KMT2D: variants seen among roughly 807,000 people sequenced by gnomAD.
The protein encoded by KMT2D is lysine methyltransferase 2D.
KMT2D carries 55 observed loss-of-function variants against 512.7 expected under a neutral mutation model. That is an observed-to-expected ratio of 0.11 (90% confidence interval 0.09 to 0.13). The LOEUF is 0.13. Among genes scored for constraint, KMT2D ranks in the 10% least tolerant of loss-of-function variants. The pLI, the probability that KMT2D is intolerant of heterozygous loss-of-function variation, is 1.00. For missense variants in KMT2D, 6,061 were observed against 7,127.9 expected, an observed-to-expected ratio of 0.85 and a Z score of 5.39; for synonymous variants, 2,995 against 2,904.0, an observed-to-expected ratio of 1.03 and a Z score of -1.01.
rs1471272445 is a variant in KMT2D, at chr12:49,038,801, G to A, written c.8555C>T (p.Ser2852Phe). Residue 2852 changes from serine to phenylalanine, a missense_variant, in exon 35 of 55, where the codon TCC becomes TTC. Ser to Phe is a radical substitution (Grantham distance 155, BLOSUM62 -2). Transcript: ENST00000301067. This position sits in a 1 kb window ranked among gnomAD's most constrained non-coding sequence, Gnocchi z 5.7. ...GPELGRQALG[S>F]PLAGISTRLP... is the part of the protein sequence containing the mutation. ...ACGGGTGGAAATTCCCGCCAACGGGGAACCTAGGGCTTGGCGGCCAAGTTC... is the reference window on the plus strand; with the variant it reads ...ACGGGTGGAAATTCCCGCCAACGGGAAACCTAGGGCTTGGCGGCCAAGTTC... 1.3e-6 allele frequency: 2 copies of A among 1,581,140 alleles called. No homozygotes were observed. The highest frequency in any genetic ancestry group is 1.7e-6 in the Non-Finnish European group (2 of 1,163,354).
chr12:49,022,228 A>C lies in KMT2D; in HGVS notation c.16412+52T>G. 6.3e-7 allele frequency: 1 copy of C among 1,598,034 alleles called. No homozygotes were observed. Among genetic ancestry groups the C allele is most frequent in the Non-Finnish European group, 8.6e-7 (1 of 1,166,004 alleles). On this transcript the variant is annotated intron_variant, in intron 53 of 54. Coordinates refer to ENST00000301067, the MANE Select transcript of KMT2D (RefSeq NM_003482.4). The surrounding 1 kb of genome is among the most constrained non-coding windows in gnomAD (Gnocchi z 8.6). ...TTGATTCCTTGTTCGTCTATCCCCCAGAGTGCCACTCTCAGGGACCACTAA... is the reference window on the plus strand; with the variant it reads ...TTGATTCCTTGTTCGTCTATCCCCCCGAGTGCCACTCTCAGGGACCACTAA...
rs1158470431 is a variant in KMT2D at position 49,033,970 on chromosome 12, A to G, written c.10741-6T>C. On this transcript the variant is annotated splice_polypyrimidine_tract_variant and splice_region_variant and intron_variant, in intron 39 of 54. Transcript: ENST00000301067. ...TCCTTCTGCTGTTTCCGGACCTAAC[A>G]TGGGAGGGTCGGAGAGGTCAGGCTG... 7.8e-6 allele frequency: 12 copies of G among 1,535,774 alleles called. No individual in the cohort carries two copies. In the Admixed American group the frequency reaches 1.0e-4, roughly 13 times the overall value.
rs560996627 is a variant in KMT2D at position 49,038,445 on chromosome 12, T to C, written c.8911A>G (p.Thr2971Ala). 1 of 1,610,642 alleles carries C rather than the reference T, an allele frequency of 6.2e-7. No homozygotes were observed. Among genetic ancestry groups the C allele is most frequent in the African/African-American group, 1.3e-5 (1 of 74,802 alleles). Reference sequence around the variant, plus strand: ...AGAGGATTGGGGCGGCCAAGCTCAGTGCTCGACGGGGGCCGGTTGACCAGC... The same window carrying C: ...AGAGGATTGGGGCGGCCAAGCTCAGCGCTCGACGGGGGCCGGTTGACCAGC... ...LELVNRPPSS[T>A]ELGRPNPLAL... The change falls in exon 35 of 55, where the codon ACT becomes GCT. Residue 2971 changes from threonine to alanine, a missense_variant. Thr to Ala is a moderately conservative substitution (Grantham distance 58). Coordinates refer to ENST00000301067, the MANE Select transcript of KMT2D (RefSeq NM_003482.4). The surrounding 1 kb of genome is among the most constrained non-coding windows in gnomAD (Gnocchi z 5.7).
At position 49,022,342 on chromosome 12, in the gene KMT2D, G is replaced by A. The variant is rs1367984197; in HGVS notation, c.16350C>T (p.Ile5450=). 4 of 1,605,764 alleles carry A rather than the reference G, an allele frequency of 2.5e-6. No individual in the cohort carries two copies. The highest frequency in any genetic ancestry group is 2.6e-6 in the Non-Finnish European group (3 of 1,175,190). ...EKIYEEQNRG[I]YMFRINNEHV... is the part of the protein sequence containing the mutation. ...GTTCATTGTTTATTCGGAACATGTA[G>A]ATGCCTCGATTCTAGAAAGGCAGAG... The change falls in exon 53 of 55, where the codon ATC becomes ATT. Residue 5450 remains isoleucine, a synonymous_variant. Coordinates refer to ENST00000301067, the MANE Select transcript of KMT2D (RefSeq NM_003482.4). This position sits in a 1 kb window ranked among gnomAD's most constrained non-coding sequence, Gnocchi z 8.6.
At chr12:49,057,207 C>T (rs1273962462) in intron 1 of KMT2D, among the ~76,000 whole-genome samples, 3 of 152,292 alleles carry the variant, frequency 2.0e-5, no homozygotes, top group African/African-American at 4.8e-5. Context: ...TGGCCACACC[C>T]GGAAGGTCCA....
rs755632222 is a variant in KMT2D at position 49,040,566 on chromosome 12, A to C, written c.7204T>G (p.Ser2402Ala). The change falls in exon 32 of 55, where the codon TCA becomes GCA. Residue 2402 changes from serine to alanine, a missense_variant. Physicochemically the swap from Ser to Ala is moderately conservative, Grantham distance 99. Coordinates refer to ENST00000301067, the MANE Select transcript of KMT2D (RefSeq NM_003482.4). ...PESCCALPPR[S>A]LPSDPFSRVP... ...CGGGAGAAAGGGTCGGAGGGCAGTG[A>C]GCGAGGGGGCAGAGCACAGCAGCTC... 1 of 1,612,238 alleles carries C rather than the reference A, an allele frequency of 6.2e-7. No individual in the cohort carries two copies.
At position 49,021,880 on chromosome 12, in the gene KMT2D, G is replaced by C; in HGVS notation, c.16522-8C>G. ...CTGATAGTCATAGGTTAGCTGAAAA[G>C]AGAAGAGGGCAGAATCAATGCTAGT... On this transcript the variant is annotated splice_region_variant and splice_polypyrimidine_tract_variant and intron_variant, in intron 54 of 54. Transcript: ENST00000301067. 6.2e-7 allele frequency: 1 copy of C among 1,612,086 alleles called. No homozygotes were observed. Among genetic ancestry groups the C allele is most frequent in the Non-Finnish European group, 8.5e-7 (1 of 1,178,134 alleles).
In KMT2D at chr12:49,046,126, C is replaced by T. The variant is rs767596564; in HGVS notation, c.4632G>A (p.Glu1544=). 7.4e-6 allele frequency: 12 copies of T among 1,610,996 alleles called. No individual in the cohort carries two copies. The highest frequency in any genetic ancestry group is 1.0e-5 in the Non-Finnish European group (12 of 1,178,546). The stretch of plus-strand genomic sequence containing the variant: ...AGTCAAAGCCTTCATCGGCTGCCTG[C>T]TCCACATCGTCCTCTGTGAAGAGGC... The part of the protein sequence containing the change: ...CESLFTEDDV[E]QAADEGFDCV... The change falls in exon 18 of 55, where the codon GAG becomes GAA. Residue 1544 remains glutamate, a synonymous_variant. Transcript: ENST00000301067. The surrounding 1 kb of genome is among the most constrained non-coding windows in gnomAD (Gnocchi z 4.2).
At position 49,051,109 on chromosome 12, in the gene KMT2D, T is replaced by A. The variant is rs1937955457; in HGVS notation, c.2574A>T (p.Pro858=). 1.3e-6 allele frequency: 2 copies of A among 1,515,290 alleles called. No homozygotes were observed. Among genetic ancestry groups the A allele is most frequent in the African/African-American group, 1.4e-5 (1 of 70,798 alleles). 93.9% of individuals were successfully genotyped at this position (1,515,290 alleles called of 1,614,324 possible). A position where few individuals can be genotyped will look rare whatever the true frequency, so the allele number is the denominator to read the frequency against. Residue 858 remains proline, a synonymous_variant, in exon 11 of 55, where the codon CCA becomes CCT. Transcript: ENST00000301067. ...GCTTTTCAGGCCGAGGGGACAGGGG[T>A]GGCTTCTCAAGCTCAGGGGACAGAT... ...ESHLSPELEK[P]PLSPRPEKPP... is the part of the protein sequence containing the mutation.
rs2120407179 is a variant in KMT2D, at chr12:49,030,713, A to G, written c.13727T>C (p.Phe4576Ser). The change falls in exon 42 of 55, where the codon TTT becomes TCT. Residue 4576 changes from phenylalanine (F) to serine (S), a missense_variant. Transcript: ENST00000301067. ...EPAITANFSLFAPFGSGCPVN... is the reference protein window; with the variant it reads ...EPAITANFSLSAPFGSGCPVN... ...TGGGCAGCCACTGCCAAAGGGGGCA[A>G]AGAGGCTAAAATTGGCGGTGATAGC... 1 of 1,613,744 alleles carries G rather than the reference A, an allele frequency of 6.2e-7. No homozygotes were observed. Among genetic ancestry groups the G allele is most frequent in the Non-Finnish European group, 8.5e-7 (1 of 1,179,888 alleles).
Position 49,033,626 on chromosome 12 carries a change from A to G in KMT2D, c.11079T>C (p.Ala3693=). The part of the protein sequence containing the change: ...QQHSGGAGSL[A]GPSGGFFPGN... ...CAGGGAAGAAGCCCCCTGAAGGGCC[A>G]GCCAGGGATCCAGCCCCACCAGAAT... The change falls in exon 40 of 55, where the codon GCT becomes GCC. Residue 3693 remains alanine, a synonymous_variant. Coordinates refer to ENST00000301067, the MANE Select transcript of KMT2D (RefSeq NM_003482.4). 1.2e-6 allele frequency: 2 copies of G among 1,613,720 alleles called. No homozygotes were observed. Among genetic ancestry groups the G allele is most frequent in the Non-Finnish European group, 1.7e-6 (2 of 1,179,868 alleles).
intron 1 of KMT2D, among the ~76,000 whole-genome samples, chr12:49,056,470 A>G (rs1938417140): frequency 6.6e-6 from 1 of 152,200 alleles, no homozygotes; most frequent in African/African-American, 2.4e-5. Flanking sequence ...AAAAAGAACA[A>G]TAATTACAGA....
In KMT2D at chr12:49,029,126, C is replaced by G. The variant is rs551404784; in HGVS notation, c.14186G>C (p.Arg4729Pro). ...GAGGGCCCGGTCCTCTTGCTCCCAC[C>G]GGCCTGAGCCCAGATGAGGGAAACG... is the stretch of plus-strand genomic sequence containing the variant. ...APRFPHLGSG[R>P]WEQEDRALSP... Residue 4729 changes from arginine to proline, a missense_variant, in exon 45 of 55, where the codon CGG (arginine) becomes CCG (proline). This residue lies in a region of KMT2D where 1,600 missense variants were observed against 1,754.9 expected (regional missense o/e 0.91). Coordinates refer to ENST00000301067, the MANE Select transcript of KMT2D (RefSeq NM_003482.4). The G allele has an allele frequency of 1.2e-6, 2 of 1,613,324 alleles. No individual in the cohort carries two copies. Among genetic ancestry groups the G allele is most frequent in the Non-Finnish European group, 1.7e-6 (2 of 1,179,384 alleles).
Position 49,052,999 on chromosome 12 carries a change from TAGTTCTCAAACCACTCCG to T in KMT2D, c.1010_1027del (p.Ser337_Asn342del), listed in dbSNP as rs1311760425. On this transcript the variant is annotated inframe_deletion, in exon 9 of 55. Coordinates refer to ENST00000301067, the MANE Select transcript of KMT2D (RefSeq NM_003482.4). ...TTTGTGACAGCGGTGACAGAGAGAG[TAGTTCTCAAACCACTCCG>T]AGTTGGGATTCAGTTCTGCTGAGCC... 1 of 1,613,474 alleles carries T rather than the reference TAGTTCTCAAACCACTCCG, an allele frequency of 6.2e-7. No homozygotes were observed. The highest frequency in any genetic ancestry group is 8.5e-7 in the Non-Finnish European group (1 of 1,179,812).
chr12:49,038,853 C>T lies in KMT2D; in HGVS notation c.8503G>A (p.Ala2835Thr), dbSNP rs1943350421. 3 of 1,553,390 alleles carry T rather than the reference C, an allele frequency of 1.9e-6. No homozygotes were observed. Among genetic ancestry groups the T allele is most frequent in the South Asian group, 1.2e-5 (1 of 84,248 alleles). ...AATSMRFAMS[A>T]RFPSTPGPEL... The stretch of plus-strand genomic sequence containing the variant: ...GGTCCAGGAGTTGATGGAAAGCGAG[C>T]TGACATGGCAAATCGCATGGAGGTT... Residue 2835 changes from alanine to threonine, a missense_variant, in exon 35 of 55, where the codon GCT (alanine) becomes ACT (threonine). Physicochemically the swap from Ala to Thr is moderately conservative, Grantham distance 58. Coordinates refer to ENST00000301067, the MANE Select transcript of KMT2D (RefSeq NM_003482.4). This position sits in a 1 kb window ranked among gnomAD's most constrained non-coding sequence, Gnocchi z 5.7.
At position 49,030,902 on chromosome 12, in the gene KMT2D, CTG is replaced by C; in HGVS notation, c.13660_13661del (p.Gln4554AlafsTer20). 1 of 1,613,776 alleles carries C rather than the reference CTG, an allele frequency of 6.2e-7. No individual in the cohort carries two copies. Among genetic ancestry groups the C allele is most frequent in the Non-Finnish European group, 8.5e-7 (1 of 1,179,782 alleles). On this transcript the variant is annotated frameshift_variant, in exon 41 of 55. Coordinates refer to ENST00000301067, the MANE Select transcript of KMT2D (RefSeq NM_003482.4). LOFTEE classifies it high-confidence loss of function. ...GVRASEALLK[Q>X]LKQELSLLPL... ...TCTCCTGGGGGGTCACCTGTTTCAG[CTG>C]TTTCAGCAAGGCCTCGCTGGCCCTG...
At chr12:49,025,636 G>A (rs1388083987) in intron 49 of KMT2D, among the ~76,000 whole-genome samples, 2 of 152,158 alleles carry the variant, frequency 1.3e-5, no homozygotes, top group Non-Finnish European at 2.9e-5. Context: ...CGACTGTACT[G>A]AAATCTGAGA....
Position 49,034,628 on chromosome 12 carries a change from C to A in KMT2D, c.10394G>T (p.Gly3465Val), listed in dbSNP as rs373801234. 16 of 1,613,188 alleles carry A rather than the reference C, an allele frequency of 9.9e-6. No individual in the cohort carries two copies. Among genetic ancestry groups the A allele is most frequent in the Admixed American group, 5.0e-5 (3 of 59,910 alleles). ...ATGGTTCTGCAGATCACTGCTAGGTCCCCCCGAGAGCCTCTGGGCTAGCAG... is the reference window on the plus strand; with the variant it reads ...ATGGTTCTGCAGATCACTGCTAGGTACCCCCGAGAGCCTCTGGGCTAGCAG... The part of the protein sequence containing the change: ...VSLLAQRLSG[G>V]PSSDLQNHVA... The change falls in exon 37 of 55, where the codon GGA (glycine) becomes GTA (valine). Residue 3465 changes from glycine (G) to valine (V), a missense_variant. Coordinates refer to ENST00000301067, the MANE Select transcript of KMT2D (RefSeq NM_003482.4).
In KMT2D at chr12:49,030,920, G is replaced by C. The variant is rs201119371; in HGVS notation, c.13644C>G (p.Ser4548Arg). The C allele has an allele frequency of 6.2e-7, 1 of 1,613,842 alleles. No individual in the cohort carries two copies. Among genetic ancestry groups the C allele is most frequent in the Non-Finnish European group, 8.5e-7 (1 of 1,179,810 alleles). ...KLRKEDGVRA[S>R]EALLKQLKQE... ...GTTTCAGCTGTTTCAGCAAGGCCTC[G>C]CTGGCCCTGACCCCGTCCTCCTTCC... Residue 4548 changes from serine to arginine, a missense_variant, in exon 41 of 55, where the codon AGC becomes AGG. Physicochemically the swap from Ser to Arg is moderately radical, Grantham distance 110. Around this residue, in one of 16 missense-constraint regions of KMT2D, gnomAD observed 1,600 missense variants for 1,754.9 expected, o/e 0.91. Coordinates refer to ENST00000301067, the MANE Select transcript of KMT2D (RefSeq NM_003482.4).
Sources: allele counts gnomAD v4.1 joint callset (sites outside exome capture counted in the v4.1 genomes callset), GRCh38; gene constraint gnomAD v4.1.1; regional missense constraint gnomAD v4.1.1; non-coding constraint Gnocchi (gnomAD v3.1); transcripts MANE v1.5; gene names NCBI Gene and HGNC (gene_info 2026-07-23, HGNC 2026-07-21).